The following MARCHF1 variants were observed in gnomAD, a reference collection of about 807,000 sequenced individuals.
MARCHF1 encodes E3 ubiquitin-protein ligase MARCHF1.
A neutral mutation model predicts 54.2 loss-of-function variants in MARCHF1; 40 were observed. The ratio of observed to expected loss-of-function variants is 0.74; its 90% CI spans 0.57 to 0.96. The LOEUF (loss-of-function observed/expected upper bound fraction) is 0.96, where lower values mean the gene tolerates loss of function less well. Ranked by LOEUF, MARCHF1 falls within the 40% of genes least tolerant of loss-of-function variation. The pLI, the probability that MARCHF1 is intolerant of heterozygous loss-of-function variation, is 0.00. For missense variants in MARCHF1, 586 were observed against 656.5 expected, an observed-to-expected ratio of 0.89 and a Z score of 1.17; for synonymous variants, 236 against 236.3, an observed-to-expected ratio of 1.00 and a Z score of 0.01.
intron 1 of MARCHF1, among the ~76,000 whole-genome samples, chr4:164,304,409 A>G (rs17044886): frequency 0.038 from 5,775 of 152,248 alleles, 373 homozygotes; most frequent in African/African-American, 0.13. Context: ...ATGAGAAGTC[A>G]TGTACAGCCC....
intron 2 of MARCHF1, among the ~76,000 whole-genome samples, chr4:164,034,360 C>T (rs1466321015): frequency 6.6e-6 from 1 of 152,228 alleles, no homozygotes; most frequent in African/African-American, 2.4e-5. Flanking sequence ...GGAATGCTTA[C>T]ACGCAGTTGG....
At chr4:164,205,733 A>C (rs534849446) in intron 1 of MARCHF1, among the ~76,000 whole-genome samples, 8 of 152,296 alleles carry the variant, frequency 5.3e-5, no homozygotes, top group African/African-American at 1.7e-4. Flanking sequence ...CTATTTAAAA[A>C]AAAAAAATTT....
In MARCHF1 at chr4:164,218,283, T is replaced by C. The variant is rs114024027; in HGVS notation, c.-322-106621A>G. On this transcript the variant is annotated intron_variant, in intron 1 of 9. Coordinates refer to ENST00000514618, the MANE Select transcript of MARCHF1 (RefSeq NM_001394959.1). ...AGGAGGGGACATAAAAGTGTAAGAA[T>C]TGTAGCGTTGAGTATTGAAACTTAA... 2.8e-3 allele frequency among the ~76,000 whole-genome samples: 424 copies of C among 152,218 alleles called. 3 individuals are homozygous for C. The highest frequency in any genetic ancestry group is 9.8e-3 in the African/African-American group (408 of 41,560).
intron 5 of MARCHF1, among the ~76,000 whole-genome samples, chr4:163,623,745 G>A (rs1300888764): frequency 6.6e-6 from 1 of 152,138 alleles, no homozygotes; most frequent in African/African-American, 2.4e-5. Context: ...TCTTCAAAAT[G>A]TATCCTTAAA....
intron 1 of MARCHF1, among the ~76,000 whole-genome samples, chr4:164,262,994 T>C (rs2111282397): frequency 6.6e-6 from 1 of 151,722 alleles, no homozygotes; most frequent in African/African-American, 2.4e-5. Context: ...GTGTAATAAG[T>C]AAGTTACAAA....
At chr4:164,351,484 AC>A (rs999564622) in intron 1 of MARCHF1, among the ~76,000 whole-genome samples, 53 of 151,054 alleles carry the variant, frequency 3.5e-4, no homozygotes, top group African/African-American at 1.2e-3. Flanking sequence ...ACTGGGAGGC[AC>A]CCCCCAGCAG....
chr4:163,904,988 C>T (rs187224208), intron 3 of MARCHF1, among the ~76,000 whole-genome samples: 1 of 152,180 alleles, frequency 6.6e-6, no homozygotes, highest in Admixed American at 6.5e-5. Context: ...TGTGATTATG[C>T]TGCATTACAA....
At chr4:164,012,542 A>AGCC (rs1753445621) in intron 2 of MARCHF1, among the ~76,000 whole-genome samples, 1 of 152,152 alleles carries the variant, frequency 6.6e-6, no homozygotes, top group African/African-American at 2.4e-5. Context: ...CAGCAGCAGC[A>AGCC]GCCAGGCAAT....
chr4:164,175,319 T>C (rs1434744557), intron 1 of MARCHF1, among the ~76,000 whole-genome samples: 3 of 152,190 alleles, frequency 2.0e-5, no homozygotes, highest in Admixed American at 2.0e-4. Flanking sequence ...GGTATAAATC[T>C]AGACATAAAT....
intron 2 of MARCHF1, among the ~76,000 whole-genome samples, chr4:164,045,736 G>A (rs1477676553): frequency 3.6e-4 from 53 of 147,484 alleles, no homozygotes; most frequent in Non-Finnish European, 1.2e-4. Flanking sequence ...AACTAGTCAT[G>A]TAATACACTT....
intron 1 of MARCHF1, among the ~76,000 whole-genome samples, chr4:164,377,615 A>C (rs1731234568): frequency 6.6e-6 from 1 of 151,356 alleles, no homozygotes; most frequent in Non-Finnish European, 1.5e-5. Flanking sequence ...ACACACACAC[A>C]TACACACATG....
intron 9 of MARCHF1, among the ~76,000 whole-genome samples, 190 bp downstream of exon 9, chr4:163,545,406 C>T (rs1299256006): frequency 6.6e-6 from 1 of 152,148 alleles, no homozygotes; most frequent in Non-Finnish European, 1.5e-5. Context: ...GCTTGGGACT[C>T]CATATAGTTA....
chr4:164,171,259 A>G (rs887206415), intron 1 of MARCHF1, among the ~76,000 whole-genome samples: 6 of 152,082 alleles, frequency 3.9e-5, no homozygotes, highest in African/African-American at 1.4e-4. Flanking sequence ...TGTAAATTCC[A>G]TCATCATAAG....
chr4:163,729,430 T>C (rs1054290459), intron 4 of MARCHF1, among the ~76,000 whole-genome samples: 7 of 152,192 alleles, frequency 4.6e-5, no homozygotes, highest in Admixed American at 4.6e-4. Context: ...TCTTGGAAGA[T>C]TATTTATTAT....
chr4:163,766,714 G>A (rs1396865262), intron 4 of MARCHF1, among the ~76,000 whole-genome samples: 1 of 152,054 alleles, frequency 6.6e-6, no homozygotes, highest in Non-Finnish European at 1.5e-5. Context: ...CCTGATTACA[G>A]GAAATTTCCT....
chr4:163,720,411 T>C (rs1745408442), intron 4 of MARCHF1, among the ~76,000 whole-genome samples: 1 of 152,226 alleles, frequency 6.6e-6, no homozygotes, highest in South Asian at 2.1e-4. Context: ...ACCAGTACCA[T>C]GCTGTTTTGG....
chr4:164,204,817 A>G (rs1731559706), intron 1 of MARCHF1, among the ~76,000 whole-genome samples: 1 of 152,230 alleles, frequency 6.6e-6, no homozygotes, highest in Admixed American at 6.5e-5. Context: ...CAGCTTCATC[A>G]GAAGGTAATT....
intron 4 of MARCHF1, among the ~76,000 whole-genome samples, chr4:163,736,396 G>C (rs562472093): frequency 6.6e-6 from 1 of 152,136 alleles, no homozygotes; most frequent in African/African-American, 2.4e-5. Context: ...GATGGAGCAG[G>C]ACATTGAGAT....
intron 2 of MARCHF1, among the ~76,000 whole-genome samples, chr4:164,045,567 A>G (rs1029554440): frequency 6.6e-6 from 1 of 151,462 alleles, no homozygotes; most frequent in Non-Finnish European, 1.5e-5. Context: ...TTATTTACCA[A>G]ATTTTAAGGA....
Sources: gnomAD v4.1 joint callset for allele counts (sites outside exome capture counted in the v4.1 genomes callset) on GRCh38, gnomAD v4.1.1 for gene constraint, MANE v1.5 for transcripts, NCBI Gene and HGNC (gene_info 2026-07-23, HGNC 2026-07-21) for gene names.